The following TNKS2 variants were observed in gnomAD, a reference collection of about 807,000 sequenced individuals.
TNKS2 encodes tankyrase 2.
Under a neutral mutation model 137.6 loss-of-function variants are expected in TNKS2, and 72 were observed. The observed-to-expected ratio is 0.52, with a 90% CI of 0.43 to 0.64. The LOEUF (loss-of-function observed/expected upper bound fraction) is 0.64. Among genes scored for constraint, TNKS2 ranks in the 30% least tolerant of loss-of-function variants. The probability of loss-of-function intolerance (pLI) is 0.00; values close to 1 mark genes in which losing one functional copy is unlikely to be tolerated. For synonymous variants in TNKS2, 516 were observed against 512.1 expected, an observed-to-expected ratio of 1.01 and a Z score of -0.10; for missense variants, 1,049 against 1,410.2, an observed-to-expected ratio of 0.74 and a Z score of 4.10.
chr10:91,833,740 T>C, intron 11 of TNKS2, 113 bp from the exon 12 acceptor site: 1 of 795,460 alleles, frequency 1.3e-6, no homozygotes, highest in Non-Finnish European at 1.8e-6. Flanking sequence ...CATTGGATAA[T>C]AGGCCTCATA....
intron 18 of TNKS2, among the ~76,000 whole-genome samples, chr10:91,847,895 G>A (rs1842426285): frequency 6.6e-6 from 1 of 152,152 alleles, no homozygotes; most frequent in Non-Finnish European, 1.5e-5. Flanking sequence ...CACAGTATCA[G>A]AATTAGGGTT....
intron 3 of TNKS2, among the ~76,000 whole-genome samples, chr10:91,819,050 A>T (rs1411051872): frequency 6.6e-6 from 1 of 152,118 alleles, no homozygotes. Flanking sequence ...ATTATATAAA[A>T]TAGAATCTTT....
chr10:91,799,606 C>G lies in TNKS2; in HGVS notation c.199+717C>G, dbSNP rs72823128. Among the ~76,000 whole-genome samples the G allele has an allele frequency of 1.9e-3, 287 of 152,286 alleles. 1 individual carries two copies. The highest frequency in any genetic ancestry group is 3.1e-3 in the Non-Finnish European group (212 of 68,016). On this transcript the variant is annotated intron_variant, in intron 1 of 26. Coordinates refer to ENST00000371627, the MANE Select transcript of TNKS2 (RefSeq NM_025235.4). ...AAGTTGGGACTAACCTTGCTTCATT[C>G]TGAAATTTAGATCGTTTGAATTACA...
Position 91,813,220 on chromosome 10 carries a change from A to C in TNKS2, c.424+13A>C. On this transcript the variant is annotated intron_variant, in intron 2 of 26. Coordinates refer to ENST00000371627, the MANE Select transcript of TNKS2 (RefSeq NM_025235.4). ...GATGTTTGCATTGGTAAGACTGTTT[A>C]CTTTTCCGACTTTTACTAATGTTGT... The C allele has an allele frequency of 6.2e-7, 1 of 1,601,078 alleles. No homozygotes were observed.
At chr10:91,837,680 C>T (rs990740061) in intron 13 of TNKS2, among the ~76,000 whole-genome samples, 37 of 152,226 alleles carry the variant, frequency 2.4e-4, no homozygotes, top group African/African-American at 8.7e-4. Context: ...GCCAACATGG[C>T]GAAACCCCGT....
intron 7 of TNKS2, among the ~76,000 whole-genome samples, chr10:91,823,024 G>T (rs2133618605): frequency 6.7e-6 from 1 of 150,030 alleles, no homozygotes; most frequent in Non-Finnish European, 1.5e-5. Context: ...CTGCACTCCA[G>T]CGCAGGCAAG....
At chr10:91,820,946 A>T (rs935948321) in intron 6 of TNKS2, among the ~76,000 whole-genome samples, 1 of 152,248 alleles carries the variant, frequency 6.6e-6, no homozygotes, top group African/African-American at 2.4e-5. Flanking sequence ...AGTGATACAC[A>T]TACGAAATAC....
At chr10:91,827,234 G>A (rs1845097580) in intron 8 of TNKS2, 31 bp downstream of exon 8, 1 of 1,415,358 alleles carries the variant, frequency 7.1e-7, no homozygotes, top group South Asian at 1.7e-5. Flanking sequence ...GTTCAGGTAG[G>A]ATATTATATC....
intron 24 of TNKS2, among the ~76,000 whole-genome samples, chr10:91,857,745 T>C (rs1185129051): frequency 6.6e-6 from 1 of 152,230 alleles, no homozygotes; most frequent in Non-Finnish European, 1.5e-5. Context: ...ACAATAAAAA[T>C]AGAAATGAGA....
At chr10:91,807,720 C>A (rs1431146588) in intron 1 of TNKS2, among the ~76,000 whole-genome samples, 1 of 152,138 alleles carries the variant, frequency 6.6e-6, no homozygotes, top group African/African-American at 2.4e-5. Context: ...AAATGCCGGG[C>A]GCAGTGGCTC....
At chr10:91,828,104 G>A (rs1845123056) in intron 8 of TNKS2, among the ~76,000 whole-genome samples, 181 bp from the exon 9 acceptor site, 1 of 152,080 alleles carries the variant, frequency 6.6e-6, no homozygotes, top group Non-Finnish European at 1.5e-5. Flanking sequence ...CGTAACTTAG[G>A]GGAACTGGAG....
At chr10:91,842,449 A>G (rs1842238429) in intron 16 of TNKS2, 58 bp downstream of exon 16, 5 of 1,496,074 alleles carry the variant, frequency 3.3e-6, no homozygotes, top group Non-Finnish European at 4.6e-6. Flanking sequence ...CATTTTACCC[A>G]GGTAAAATAT....
chr10:91,817,039 G>A (rs1844725419), intron 2 of TNKS2, 95 bp from the exon 3 acceptor site: 2 of 761,256 alleles, frequency 2.6e-6, no homozygotes, highest in South Asian at 1.8e-5. Flanking sequence ...ACAACTTTGA[G>A]ACTTTGCTGG....
rs756932175 is a variant in TNKS2 at position 91,840,590 on chromosome 10, C to T, written c.1557C>T (p.Cys519=). ...TGTGTACTGTTCAGAGTGTCAACTG[C>T]AGAGACATTGAAGGGCGTCAGTCTA... ...KKLCTVQSVN[C]RDIEGRQSTP... The change falls in exon 14 of 27, where the codon TGC becomes TGT. Residue 519 remains cysteine (C), a synonymous_variant. Transcript: ENST00000371627. The T allele has an allele frequency of 3.1e-6, 5 of 1,613,918 alleles. No homozygotes were observed. Among genetic ancestry groups the T allele is most frequent in the Non-Finnish European group, 4.2e-6 (5 of 1,179,912 alleles).
intron 16 of TNKS2, among the ~76,000 whole-genome samples, chr10:91,844,084 AT>A (rs1404078505): frequency 6.6e-6 from 1 of 152,164 alleles, no homozygotes; most frequent in Non-Finnish European, 1.5e-5. Flanking sequence ...GTGCATATTT[AT>A]GTTAGCTTTT....
chr10:91,817,148 G>A lies in TNKS2; in HGVS notation c.439G>A (p.Gly147Arg), dbSNP rs772926061. The A allele has an allele frequency of 6.2e-7, 1 of 1,613,376 alleles. No individual in the cohort carries two copies. Among genetic ancestry groups the A allele is most frequent in the Non-Finnish European group, 8.5e-7 (1 of 1,179,554 alleles). Reference protein sequence around the residue: ...IDVCIVLLQHGAEPTIRNTDG... With the variant: ...IDVCIVLLQHRAEPTIRNTDG... ...CTATTTTGCAGTGCTGTTACAGCATGGAGCTGAGCCAACCATCCGAAATAC... is the reference window on the plus strand; with the variant it reads ...CTATTTTGCAGTGCTGTTACAGCATAGAGCTGAGCCAACCATCCGAAATAC... Residue 147 changes from glycine to arginine, a missense_variant, in exon 3 of 27, where the codon GGA becomes AGA. Physicochemically the swap from Gly to Arg is moderately radical, Grantham distance 125. Around this residue, in one of 6 missense-constraint regions of TNKS2, gnomAD observed 374 missense variants for 460.8 expected, o/e 0.81. Transcript: ENST00000371627.
intron 20 of TNKS2, among the ~76,000 whole-genome samples, chr10:91,850,080 A>T (rs1017580902): frequency 7.9e-5 from 12 of 152,140 alleles, no homozygotes; most frequent in African/African-American, 2.4e-4. Context: ...GAATAAGAAC[A>T]TATGGCCGGG....
chr10:91,812,358 T>G (rs1844537319), intron 1 of TNKS2, among the ~76,000 whole-genome samples: 1 of 152,182 alleles, frequency 6.6e-6, no homozygotes. Flanking sequence ...AAAGGAGGCC[T>G]CCTACATGGA....
intron 1 of TNKS2, among the ~76,000 whole-genome samples, chr10:91,811,628 A>G (rs1173185828): frequency 1.3e-5 from 2 of 152,126 alleles, no homozygotes; most frequent in African/African-American, 2.4e-5. Flanking sequence ...AATCTTTTCA[A>G]CTATCTTTAG....
Sources: gnomAD v4.1 joint callset for allele counts (sites outside exome capture counted in the v4.1 genomes callset) on GRCh38, gnomAD v4.1.1 for gene constraint, gnomAD v4.1.1 regional missense constraint, MANE v1.5 for transcripts, NCBI Gene and HGNC (gene_info 2026-07-23, HGNC 2026-07-21) for gene names.